Variants in STARD13 observed in about 807,000 individuals in gnomAD.
STARD13 encodes StAR related lipid transfer domain containing 13, also known as stAR-related lipid transfer protein 13.
Under a neutral mutation model 106.4 loss-of-function variants are expected in STARD13, and 62 were observed. That is an observed-to-expected ratio of 0.58 (90% CI 0.48 to 0.72). The LOEUF is 0.72. STARD13 is among the 30% of genes least tolerant of loss of function. The pLI is 0.00. For missense variants in STARD13, 1,387 were observed against 1,424.0 expected (o/e 0.97, Z 0.42); for synonymous variants, 565 against 553.0 (o/e 1.02, Z -0.31).
intron 1 of STARD13, among the ~76,000 whole-genome samples, chr13:33,301,762 G>T (rs1192677547): frequency 6.6e-6 from 1 of 151,826 alleles, no homozygotes; most frequent in Non-Finnish European, 1.5e-5. Context: ...TAGAGACAGG[G>T]TTTCACCGTG....
intron 1 of STARD13, among the ~76,000 whole-genome samples, chr13:33,331,623 C>T (rs557308010): frequency 6.6e-6 from 1 of 151,470 alleles, no homozygotes; most frequent in Non-Finnish European, 1.5e-5. Flanking sequence ...GCCTCAGGCT[C>T]CCAAAGTGCT....
At chr13:33,501,836 G>A in the STARD13 span, among the ~76,000 whole-genome samples, 1 of 152,124 alleles carries the variant, frequency 6.6e-6, no homozygotes, top group East Asian at 1.9e-4. Flanking sequence ...TGTTCTTTTG[G>A]CTTAGGATTG....
chr13:33,504,791 C>A, the STARD13 span, among the ~76,000 whole-genome samples: 229 of 152,192 alleles, frequency 1.5e-3, 4 homozygotes, highest in African/African-American at 5.3e-3. Context: ...ATACCACCTG[C>A]CTTGGCCTGC....
chr13:33,499,257 A>T, the STARD13 span, among the ~76,000 whole-genome samples: 2 of 152,256 alleles, frequency 1.3e-5, no homozygotes, highest in Non-Finnish European at 2.9e-5. Context: ...GGTTGAAAAA[A>T]GTTGAGTGGG....
intron 1 of STARD13, among the ~76,000 whole-genome samples, chr13:33,185,351 A>G (rs763496505): frequency 5.3e-5 from 8 of 152,228 alleles, no homozygotes; most frequent in Non-Finnish European, 7.3e-5. Context: ...AAATAGCAGG[A>G]CATCTTATGT....
At chr13:33,626,144 C>T in the STARD13 span, among the ~76,000 whole-genome samples, 2 of 152,176 alleles carry the variant, frequency 1.3e-5, no homozygotes, top group African/African-American at 4.8e-5. Flanking sequence ...CACACACACA[C>T]ATCTGCACAT....
intron 1 of STARD13, among the ~76,000 whole-genome samples, chr13:33,184,375 T>G (rs1264472291): frequency 6.6e-6 from 1 of 152,210 alleles, no homozygotes; most frequent in Non-Finnish European, 1.5e-5. Flanking sequence ...CTGCTGCTGC[T>G]GCTGATGGTT....
At chr13:33,111,754 C>A in intron 10 of STARD13, 24 bp downstream of exon 10, 2 of 1,453,944 alleles carry the variant, frequency 1.4e-6, no homozygotes, top group Non-Finnish European at 1.9e-6. Context: ...ACTAGGGAGG[C>A]GGAGGTTCGA....
At chr13:33,385,589 G>T in the STARD13 span, among the ~76,000 whole-genome samples, 1 of 151,510 alleles carries the variant, frequency 6.6e-6, no homozygotes, top group Non-Finnish European at 1.5e-5. Flanking sequence ...GCTGGGCGCG[G>T]TGGCTCACGC....
chr13:33,111,029 A>C, intron 10 of STARD13, 122 bp from the exon 11 acceptor site: 1 of 785,630 alleles, frequency 1.3e-6, no homozygotes, highest in Non-Finnish European at 2.1e-6. Flanking sequence ...CCACACGGCC[A>C]GAGATGTTTT....
chr13:33,524,212 G>A, the STARD13 span: 1 of 1,260,502 alleles, frequency 7.9e-7, no homozygotes, highest in South Asian at 1.3e-5. Flanking sequence ...CACACCAGGG[G>A]CATATGTAAG....
chr13:33,529,513 T>C, the STARD13 span, among the ~76,000 whole-genome samples: 1 of 152,138 alleles, frequency 6.6e-6, no homozygotes, highest in Non-Finnish European at 1.5e-5. Flanking sequence ...AGCCAGTCAT[T>C]CATTCATTCA....
chr13:33,389,449 AG>A, the STARD13 span, among the ~76,000 whole-genome samples: 1 of 152,096 alleles, frequency 6.6e-6, no homozygotes, highest in African/African-American at 2.4e-5. Context: ...TGGAGGAGCG[AG>A]GGAGTGAGCT....
the STARD13 span, among the ~76,000 whole-genome samples, chr13:33,500,052 T>C: frequency 2.0e-5 from 3 of 151,998 alleles, no homozygotes; most frequent in African/African-American, 7.3e-5. Flanking sequence ...CTGGCCACGC[T>C]TCCTCTTCTT....
At chr13:33,464,685 C>A in the STARD13 span, among the ~76,000 whole-genome samples, 2 of 152,142 alleles carry the variant, frequency 1.3e-5, no homozygotes, top group African/African-American at 4.8e-5. Context: ...CTGGTCTCTA[C>A]TAAAAATACA....
chr13:33,369,395 T>C, the STARD13 span, among the ~76,000 whole-genome samples: 16 of 152,216 alleles, frequency 1.1e-4, no homozygotes, highest in African/African-American at 3.9e-4. Flanking sequence ...TTCAAATACC[T>C]TGAAAAATCA....
chr13:33,135,311 G>C (rs1246626632), intron 4 of STARD13, among the ~76,000 whole-genome samples: 1 of 152,216 alleles, frequency 6.6e-6, no homozygotes, highest in Non-Finnish European at 1.5e-5. Flanking sequence ...CATTTGAAAA[G>C]TCTGTGCTAT....
chr13:33,268,036 T>C (rs1890984038), intron 1 of STARD13, among the ~76,000 whole-genome samples: 2 of 152,224 alleles, frequency 1.3e-5, no homozygotes, highest in South Asian at 4.1e-4. Flanking sequence ...ACTTGAAATA[T>C]TAAGAGTAGG....
intron 1 of STARD13, among the ~76,000 whole-genome samples, chr13:33,215,995 T>C (rs769381351): frequency 2.6e-5 from 4 of 152,108 alleles, no homozygotes; most frequent in Middle Eastern, 3.4e-3. Context: ...GGAATGCAAA[T>C]CTTAAAACCA....
Sources: gnomAD v4.1 joint callset for allele counts (sites outside exome capture counted in the v4.1 genomes callset) on GRCh38, gnomAD v4.1.1 for gene constraint, MANE v1.5 for transcripts, NCBI Gene and HGNC (gene_info 2026-07-23, HGNC 2026-07-21) for gene names.